ARSB: variants seen among roughly 807,000 people sequenced by gnomAD.
The protein encoded by ARSB is N-acetylgalactosamine-4-sulfatase.
A neutral mutation model predicts 50.9 loss-of-function variants in ARSB; 41 were observed. The observed-to-expected ratio is 0.81, with a 90% CI of 0.63 to 1.04. The LOEUF (loss-of-function observed/expected upper bound fraction) is 1.04. Among genes scored for constraint, ARSB ranks in the 50% least tolerant of loss-of-function variants. The pLI is 0.00. For synonymous variants in ARSB, 269 were observed against 284.8 expected (o/e 0.94, Z 0.56); for missense variants, 672 against 693.3 (o/e 0.97, Z 0.35).
intron 4 of ARSB, among the ~76,000 whole-genome samples, chr5:78,897,315 ACTAT>A (rs1286191200): frequency 6.6e-6 from 1 of 152,122 alleles, no homozygotes; most frequent in Admixed American, 6.5e-5. Context: ...CTACTCACTA[ACTAT>A]CAGTAACACT....
intron 4 of ARSB, among the ~76,000 whole-genome samples, chr5:78,954,504 G>GA (rs951285835): frequency 6.6e-6 from 1 of 151,792 alleles, no homozygotes; most frequent in Non-Finnish European, 1.5e-5. Flanking sequence ...TTTACTGTCA[G>GA]AAAAAAAATA....
chr5:78,896,820 G>A (rs1400549116), intron 4 of ARSB, among the ~76,000 whole-genome samples: 6 of 151,988 alleles, frequency 3.9e-5, no homozygotes, highest in Admixed American at 3.3e-4. Context: ...ATTTTGTGAT[G>A]CTCCTTTGTC....
chr5:78,868,117 G>A (rs1420330202), intron 5 of ARSB, among the ~76,000 whole-genome samples: 2 of 144,478 alleles, frequency 1.4e-5, no homozygotes, highest in Non-Finnish European at 3.0e-5. Context: ...AGAGAAAAAA[G>A]AATAAAAAGA....
chr5:78,877,514 T>A (rs2099786), intron 5 of ARSB, among the ~76,000 whole-genome samples: 6 of 151,980 alleles, frequency 3.9e-5, no homozygotes, highest in Admixed American at 6.5e-5. Flanking sequence ...TCAGCCTCCC[T>A]AGTAGCTGGG....
chr5:78,792,177 G>A (rs761916069), intron 6 of ARSB, among the ~76,000 whole-genome samples: 49 of 152,170 alleles, frequency 3.2e-4, no homozygotes, highest in South Asian at 2.1e-4. Context: ...CCAGGAGTTC[G>A]AGACCAGCCG....
chr5:78,813,324 A>G (rs1349268536), intron 6 of ARSB, among the ~76,000 whole-genome samples: 1 of 152,160 alleles, frequency 6.6e-6, no homozygotes, highest in African/African-American at 2.4e-5. Context: ...TCAGCCTCCC[A>G]AAGTGCTGAG....
In ARSB at chr5:78,777,345, A is replaced by G. The variant is rs1748798821; in HGVS notation, c.*3052T>C. 6.6e-6 allele frequency: 1 copy of G among 152,642 alleles called. No individual in the cohort carries two copies. The highest frequency in any genetic ancestry group is 6.5e-5 in the Admixed American group (1 of 15,278). 9.5% of individuals were successfully genotyped at this position (152,642 alleles called of 1,614,324 possible). A position where few individuals can be genotyped will look rare whatever the true frequency, so the allele number is the denominator to read the frequency against. ...AAACTTAACATTTTAACCACTTTAA[A>G]ACATACAATTCAGTGGCAGTAATTG... is the stretch of plus-strand genomic sequence containing the variant. On this transcript the variant is annotated 3_prime_UTR_variant, in exon 8 of 8. Transcript: ENST00000264914.
intron 4 of ARSB, among the ~76,000 whole-genome samples, chr5:78,913,042 A>G (rs892136340): frequency 1.3e-5 from 2 of 152,026 alleles, no homozygotes; most frequent in African/African-American, 4.8e-5. Flanking sequence ...AGCTGGAGCA[A>G]TGTTGCCTGC....
intron 6 of ARSB, among the ~76,000 whole-genome samples, chr5:78,810,579 C>T (rs375888385): frequency 2.0e-5 from 3 of 152,200 alleles, no homozygotes; most frequent in East Asian, 1.9e-4. Flanking sequence ...ACACACCACA[C>T]GGTTCTAATT....
At chr5:78,948,221 T>C (rs1052695433) in intron 4 of ARSB, among the ~76,000 whole-genome samples, 4 of 152,144 alleles carry the variant, frequency 2.6e-5, no homozygotes, top group African/African-American at 7.2e-5. Context: ...AGAGCTAGTA[T>C]TTAATAACAC....
chr5:78,948,551 G>A (rs975351986), intron 4 of ARSB, among the ~76,000 whole-genome samples: 1 of 152,190 alleles, frequency 6.6e-6, no homozygotes, highest in African/African-American at 2.4e-5. Context: ...GAAATGGCAT[G>A]AATCAATTAA....
intron 5 of ARSB, among the ~76,000 whole-genome samples, chr5:78,843,288 G>T (rs1320792641): frequency 6.6e-6 from 1 of 152,216 alleles, no homozygotes; most frequent in African/African-American, 2.4e-5. Context: ...GCTGGTCTCA[G>T]AACCACACTT....
intron 4 of ARSB, among the ~76,000 whole-genome samples, chr5:78,927,081 C>T (rs1322286142): frequency 2.0e-5 from 3 of 152,108 alleles, no homozygotes; most frequent in Non-Finnish European, 4.4e-5. Context: ...TGGGGTTTCA[C>T]CCTGTTTCCA....
At chr5:78,889,851 C>A (rs1270703353) in intron 4 of ARSB, among the ~76,000 whole-genome samples, 2 of 152,166 alleles carry the variant, frequency 1.3e-5, no homozygotes, top group Admixed American at 6.5e-5. Context: ...ATCATCTCTA[C>A]CCCAACATCC....
chr5:78,906,514 A>G (rs1472269343), intron 4 of ARSB, among the ~76,000 whole-genome samples: 1 of 152,088 alleles, frequency 6.6e-6, no homozygotes, highest in Admixed American at 6.5e-5. Flanking sequence ...GAGATAGAGG[A>G]GAGAAAATAA....
intron 4 of ARSB, among the ~76,000 whole-genome samples, chr5:78,950,750 T>C (rs189802638): frequency 9.2e-5 from 14 of 152,098 alleles, no homozygotes; most frequent in East Asian, 7.7e-4. Flanking sequence ...AGCTGCAGAT[T>C]TGAGAAGGAA....
chr5:78,985,003 C>G lies in ARSB; in HGVS notation c.246G>C (p.Leu82=). The G allele has an allele frequency of 6.5e-7, 1 of 1,539,466 alleles. No individual in the cohort carries two copies. The highest frequency in any genetic ancestry group is 8.7e-7 in the Non-Finnish European group (1 of 1,146,352). ...LDALAAGGVL[L]DNYYTQPLCT... ...ACAGCGGCTGCGTGTAGTAGTTGTC[C>G]AGGAGCACCCCGCCGGCCGCCAGCG... The change falls in exon 1 of 8, where the codon CTG becomes CTC. Residue 82 remains leucine (L), a synonymous_variant. Transcript: ENST00000264914.
chr5:78,955,530 T>A, intron 3 of ARSB, 28 bp from the exon 4 acceptor site: 1 of 1,570,864 alleles, frequency 6.4e-7, no homozygotes, highest in Non-Finnish European at 8.8e-7. Context: ...GCAAACCAGT[T>A]AAGAGGATAT....
In ARSB at chr5:78,935,961, C is replaced by T. The variant is rs561237899; in HGVS notation, c.898+19334G>A. On this transcript the variant is annotated intron_variant, in intron 4 of 7. Transcript: ENST00000264914. ...CCCCTCCCCTCCCCTCCCCCCTTCT[C>T]TCCTTCCCTTCCTTCCTTCCTTTTC... is the stretch of plus-strand genomic sequence containing the variant. Among the ~76,000 whole-genome samples, 4 of 114,958 alleles carry T rather than the reference C, an allele frequency of 3.5e-5. No individual in the cohort carries two copies. In the South Asian group the frequency reaches 1.6e-3, roughly 46 times the overall value. The allele number at this position is 114,958 out of a possible 152,430, so 75.4% of individuals were successfully genotyped here. A position where few individuals can be genotyped will look rare whatever the true frequency, so the allele number is the denominator to read the frequency against.
Sources: gnomAD v4.1 joint callset for allele counts (sites outside exome capture counted in the v4.1 genomes callset) on GRCh38, gnomAD v4.1.1 for gene constraint, MANE v1.5 for transcripts, NCBI Gene and HGNC (gene_info 2026-07-23, HGNC 2026-07-21) for gene names.